IMMP2L: variants seen among roughly 807,000 people sequenced by gnomAD.
IMMP2L encodes the protein inner mitochondrial membrane peptidase subunit 2, also known as mitochondrial inner membrane protease subunit 2.
Under a neutral mutation model 19.3 loss-of-function variants are expected in IMMP2L, and 18 were observed. That is an observed-to-expected ratio of 0.93 (90% CI 0.64 to 1.38). IMMP2L has a LOEUF of 1.38. Among genes scored for constraint, IMMP2L ranks in the 40% most tolerant of loss-of-function variants. The probability of loss-of-function intolerance (pLI) is 0.00; values close to 1 mark genes in which losing one functional copy is unlikely to be tolerated. For synonymous variants in IMMP2L, 76 were observed against 73.0 expected (o/e 1.04, Z -0.21); for missense variants, 233 against 218.2 (o/e 1.07, Z -0.43).
At chr7:110,674,552 G>C (rs1792152520) in intron 5 of IMMP2L, among the ~76,000 whole-genome samples, 2 of 152,192 alleles carry the variant, frequency 1.3e-5, no homozygotes, top group Non-Finnish European at 2.9e-5. Context: ...AGCAGCGTAA[G>C]AAGAGAGAGA....
In IMMP2L at chr7:111,442,827, C is replaced by T. The variant is rs1360823408; in HGVS notation, c.239+44411G>A. On this transcript the variant is annotated intron_variant, in intron 3 of 5. Coordinates refer to ENST00000405709, the MANE Select transcript of IMMP2L (RefSeq NM_032549.4). ...TAAGTGGTTTTAAGATTAAATTTGC[C>T]CATATAGTTAATTGCCACTTCACAG... Among the ~76,000 whole-genome samples, 3 of 151,694 alleles carry T rather than the reference C, an allele frequency of 2.0e-5. No homozygotes were observed. In the South Asian group the frequency reaches 6.2e-4, roughly 31 times the overall value.
chr7:111,423,670 G>A (rs1178209925), intron 3 of IMMP2L, among the ~76,000 whole-genome samples: 6 of 150,746 alleles, frequency 4.0e-5, no homozygotes, highest in Non-Finnish European at 8.8e-5. Flanking sequence ...TGTGTAGAGG[G>A]AAATTTATAG....
At chr7:110,680,006 G>A (rs546816852) in intron 5 of IMMP2L, among the ~76,000 whole-genome samples, 2 of 152,194 alleles carry the variant, frequency 1.3e-5, no homozygotes, top group Admixed American at 6.5e-5. Flanking sequence ...TCTAGTACAG[G>A]ACACTCTAAG....
chr7:111,010,696 AAAG>A (rs1585731064), intron 3 of IMMP2L, among the ~76,000 whole-genome samples: 1 of 152,234 alleles, frequency 6.6e-6, no homozygotes, highest in East Asian at 1.9e-4. Flanking sequence ...TCTGAAGGTC[AAAG>A]AACAAGCTAG....
At chr7:111,270,998 A>G (rs923315208) in intron 3 of IMMP2L, among the ~76,000 whole-genome samples, 1 of 152,166 alleles carries the variant, frequency 6.6e-6, no homozygotes, top group Non-Finnish European at 1.5e-5. Context: ...CTGTGTCCCC[A>G]CCCAAATCTC....
intron 3 of IMMP2L, among the ~76,000 whole-genome samples, chr7:111,119,287 G>A (rs940865161): frequency 9.9e-5 from 15 of 152,102 alleles, no homozygotes; most frequent in South Asian, 4.1e-4. Flanking sequence ...CATTTTATTC[G>A]GAGGGGTATA....
chr7:110,817,633 A>C (rs1228167127), intron 5 of IMMP2L, among the ~76,000 whole-genome samples: 4 of 152,104 alleles, frequency 2.6e-5, no homozygotes, highest in East Asian at 3.9e-4. Flanking sequence ...ATATGGAACC[A>C]AAAAAGAGCC....
intron 3 of IMMP2L, among the ~76,000 whole-genome samples, chr7:110,988,813 A>G (rs573407488): frequency 5.3e-5 from 8 of 152,334 alleles, no homozygotes; most frequent in African/African-American, 1.4e-4. Flanking sequence ...GTAGAATAAT[A>G]TCTGATAATT....
intron 3 of IMMP2L, among the ~76,000 whole-genome samples, chr7:111,445,744 C>G (rs536156986): frequency 2.3e-4 from 35 of 152,286 alleles, no homozygotes; most frequent in African/African-American, 7.9e-4. Flanking sequence ...CTACAGCTCC[C>G]AGCGTGAGTG....
At chr7:110,882,693 T>C (rs1809814209) in intron 5 of IMMP2L, among the ~76,000 whole-genome samples, 1 of 151,988 alleles carries the variant, frequency 6.6e-6, no homozygotes, top group South Asian at 2.1e-4. Context: ...CAAGTGCTCT[T>C]AATATAAAAA....
At chr7:111,062,662 G>A (rs572623303) in intron 3 of IMMP2L, among the ~76,000 whole-genome samples, 1 of 152,166 alleles carries the variant, frequency 6.6e-6, no homozygotes, top group Non-Finnish European at 1.5e-5. Context: ...ATACAATGGC[G>A]GTACAGGCAT....
At chr7:111,008,870 T>A (rs1824600192) in intron 3 of IMMP2L, among the ~76,000 whole-genome samples, 1 of 152,066 alleles carries the variant, frequency 6.6e-6, no homozygotes, top group Non-Finnish European at 1.5e-5. Flanking sequence ...GAATTAGGTA[T>A]TTCCAGAAAT....
intron 4 of IMMP2L, among the ~76,000 whole-genome samples, chr7:110,907,174 G>A (rs1268223997): frequency 1.3e-5 from 2 of 152,144 alleles, no homozygotes; most frequent in African/African-American, 4.8e-5. Context: ...TCAGTGGAGG[G>A]TCAGTGTGAC....
intron 5 of IMMP2L, among the ~76,000 whole-genome samples, chr7:110,821,921 T>A (rs992524891): frequency 1.3e-5 from 2 of 151,692 alleles, no homozygotes; most frequent in Non-Finnish European, 2.9e-5. Flanking sequence ...GACTCTTGTC[T>A]CAAAAAAAAG....
intron 3 of IMMP2L, among the ~76,000 whole-genome samples, chr7:111,084,587 T>C (rs1586159324): frequency 1.3e-5 from 2 of 152,052 alleles, no homozygotes; most frequent in South Asian, 2.1e-4. Context: ...AGAGAGCATA[T>C]AAAGAACAGT....
chr7:111,014,406 C>T (rs1425003274), intron 3 of IMMP2L, among the ~76,000 whole-genome samples: 1 of 151,970 alleles, frequency 6.6e-6, no homozygotes, highest in African/African-American at 2.4e-5. Flanking sequence ...CACATACACA[C>T]ACACTTATGT....
chr7:110,794,139 T>C (rs1053060043), intron 5 of IMMP2L, among the ~76,000 whole-genome samples: 2 of 152,146 alleles, frequency 1.3e-5, no homozygotes, highest in African/African-American at 2.4e-5. Context: ...CCAGCAATGG[T>C]GCTCCTTGGT....
intron 5 of IMMP2L, among the ~76,000 whole-genome samples, chr7:110,721,136 G>A (rs553693895): frequency 1.5e-4 from 23 of 152,016 alleles, no homozygotes; most frequent in Admixed American, 1.5e-3. Flanking sequence ...TATCATCACT[G>A]AGAGTAGCTT....
chr7:111,078,461 T>C (rs1795599485), intron 3 of IMMP2L, among the ~76,000 whole-genome samples: 1 of 152,168 alleles, frequency 6.6e-6, no homozygotes, highest in South Asian at 2.1e-4. Flanking sequence ...TTTTAAAAAT[T>C]AGGAAACAAA....
Sources: allele counts gnomAD v4.1 joint callset (sites outside exome capture counted in the v4.1 genomes callset), GRCh38; gene constraint gnomAD v4.1.1; transcripts MANE v1.5; gene names NCBI Gene and HGNC (gene_info 2026-07-23, HGNC 2026-07-21).